IL5: variants seen among roughly 807,000 people sequenced by gnomAD.
The protein encoded by IL5 is interleukin-5.
Under a neutral mutation model 16.3 loss-of-function variants are expected in IL5, and 12 were observed. The ratio of observed to expected loss-of-function variants is 0.74; its 90% CI spans 0.47 to 1.20. IL5 has a LOEUF of 1.20. Among genes scored for constraint, IL5 ranks in the 50% most tolerant of loss-of-function variants. The pLI is 0.00. For synonymous variants in IL5, 54 were observed against 56.6 expected (o/e 0.95, Z 0.21); for missense variants, 159 against 153.9 (o/e 1.03, Z -0.17).
chr5:132,543,431 G>C lies in IL5; in HGVS notation c.48C>G (p.Tyr16Ter). The change falls in exon 1 of 4, where the codon TAC (tyrosine) becomes TAG (stop). Residue 16 changes from tyrosine to a stop codon, truncating the protein, a stop_gained. Transcript: ENST00000231454. LOFTEE classifies it high-confidence loss of function. ...HLSLLALGAA[Y>*]VYAIPTEIPT... ...GAATTTCTGTGGGGATGGCATACAC[G>C]TAGGCAGCTCCAAGAGCTAGCAAAC... 6.2e-7 allele frequency: 1 copy of C among 1,613,982 alleles called. No individual in the cohort carries two copies. The highest frequency in any genetic ancestry group is 8.5e-7 in the Non-Finnish European group (1 of 1,179,850).
chr5:132,550,325 CT>C (rs539567798), intron 1 of IL5, among the ~76,000 whole-genome samples: 1,977 of 138,098 alleles, frequency 0.014, 21 homozygotes, highest in East Asian at 0.085. Context: ...AAAAAGAAAT[CT>C]TTTTTTTTTT....
chr5:132,549,624 GTGGGTAACAT>G (rs1749851280), intron 1 of IL5, among the ~76,000 whole-genome samples: 1 of 152,044 alleles, frequency 6.6e-6, no homozygotes, highest in Non-Finnish European at 1.5e-5. Flanking sequence ...AGTTACATTG[GTGGGTAACAT>G]CCATCCTTTT....
upstream of IL5, among the ~76,000 whole-genome samples, chr5:132,548,383 T>C (rs185491641): frequency 9.2e-4 from 140 of 152,276 alleles, no homozygotes; most frequent in African/African-American, 2.9e-3. Flanking sequence ...GACAGTAAAA[T>C]AAAGATTTGT....
At chr5:132,550,417 G>A (rs1042537908) in intron 1 of IL5, among the ~76,000 whole-genome samples, 15 of 151,142 alleles carry the variant, frequency 9.9e-5, no homozygotes, top group Non-Finnish European at 2.1e-4. Flanking sequence ...TCCGCCTCCT[G>A]GGTTCAAGCG....
At chr5:132,547,413 A>G (rs555595157), upstream of IL5, among the ~76,000 whole-genome samples, 5 of 152,288 alleles carry the variant, frequency 3.3e-5, no homozygotes, top group African/African-American at 1.2e-4. Flanking sequence ...CAAACACTAC[A>G]CATACCCAAA....
In IL5 at chr5:132,542,105, GC is replaced by G; in HGVS notation, c.215del (p.Gly72AlafsTer22). ...LCTEEIFQGI[G>X]TLESQTVQGG... ...CTTGCACAGTTTGACTCTCCAGTGT[GC>G]CTATTCCCTGAAAGATTTCTTCAGT... is the stretch of plus-strand genomic sequence containing the variant. On this transcript the variant is annotated frameshift_variant, in exon 3 of 4. Transcript: ENST00000231454. LOFTEE classifies it high-confidence loss of function. 2 of 1,612,884 alleles carry G rather than the reference GC, an allele frequency of 1.2e-6. No individual in the cohort carries two copies. Among genetic ancestry groups the G allele is most frequent in the Non-Finnish European group, 1.7e-6 (2 of 1,179,198 alleles).
intron 2 of IL5, 91 bp from the exon 3 acceptor site, chr5:132,542,234 A>G (rs571537197): frequency 6.8e-6 from 5 of 735,528 alleles, no homozygotes; most frequent in Admixed American, 2.6e-5. Context: ...ACATACTTCA[A>G]AACATCATAT....
chr5:132,548,039 A>T (rs1344310018), upstream of IL5, among the ~76,000 whole-genome samples: 4 of 152,224 alleles, frequency 2.6e-5, no homozygotes. Context: ...ACTGCACTCT[A>T]GCCTGGGTGA....
At chr5:132,553,998 C>G (rs1561624961) in intron 1 of IL5, among the ~76,000 whole-genome samples, 1 of 144,202 alleles carries the variant, frequency 6.9e-6, no homozygotes, top group Non-Finnish European at 1.5e-5. Context: ...TTATATTTGC[C>G]AAAACACATG....
intron 1 of IL5, among the ~76,000 whole-genome samples, chr5:132,548,822 A>G (rs1224977333): frequency 6.6e-6 from 1 of 152,232 alleles, no homozygotes; most frequent in African/African-American, 2.4e-5. Context: ...TCTTTCTTAA[A>G]TGTACATATA....
At chr5:132,556,623 G>C in intron 1 of IL5, 1 of 1,121,538 alleles carries the variant, frequency 8.9e-7, no homozygotes, top group Non-Finnish European at 1.1e-6. Flanking sequence ...CTACACGAAC[G>C]TTAGAGAGAG....
chr5:132,548,164 G>A (rs1260734143), upstream of IL5, among the ~76,000 whole-genome samples: 1 of 152,030 alleles, frequency 6.6e-6, no homozygotes, highest in Non-Finnish European at 1.5e-5. Flanking sequence ...AGGAGGCTGA[G>A]GCCAGAGGAT....
intron 1 of IL5, among the ~76,000 whole-genome samples, chr5:132,553,938 TAAAAAAAAAAAA>T (rs57467548): frequency 2.3e-5 from 2 of 87,304 alleles, no homozygotes; most frequent in Admixed American, 1.3e-4. Flanking sequence ...GACTCCGTCT[TAAAAAAAAAAAA>T]AAAAAAAAAA....
At chr5:132,552,985 C>G (rs1749908845) in intron 1 of IL5, among the ~76,000 whole-genome samples, 1 of 152,110 alleles carries the variant, frequency 6.6e-6, no homozygotes, top group Non-Finnish European at 1.5e-5. Context: ...CCGCCTGCCT[C>G]AGAGAATTTT....
intron 1 of IL5, among the ~76,000 whole-genome samples, chr5:132,553,375 C>T (rs1031948750): frequency 1.3e-5 from 2 of 152,150 alleles, no homozygotes; most frequent in African/African-American, 4.8e-5. Flanking sequence ...AGCAAAACTG[C>T]ATAAGAGATA....
intron 1 of IL5, among the ~76,000 whole-genome samples, chr5:132,551,338 T>A (rs1561623914): frequency 6.6e-6 from 1 of 152,260 alleles, no homozygotes; most frequent in African/African-American, 2.4e-5. Flanking sequence ...GAAGTTTGGA[T>A]GCAAAGATAC....
At position 132,541,506 on chromosome 5, in the gene IL5, C is replaced by A; in HGVS notation, c.*305G>T. On this transcript the variant is annotated 3_prime_UTR_variant, in exon 4 of 4. Coordinates refer to ENST00000231454, the MANE Select transcript of IL5 (RefSeq NM_000879.3). ...TAACATTAAATAAATACTAATTTAC[C>A]AAATTCTTAACCATTTCATAAATAC... 7.6e-6 allele frequency: 2 copies of A among 262,532 alleles called. No individual in the cohort carries two copies. The highest frequency in any genetic ancestry group is 1.4e-5 in the Non-Finnish European group (2 of 139,148). 16.3% of individuals were successfully genotyped at this position (262,532 alleles called of 1,614,324 possible). A position where few individuals can be genotyped will look rare whatever the true frequency, so the allele number is the denominator to read the frequency against.
upstream of IL5, among the ~76,000 whole-genome samples, chr5:132,547,801 G>A (rs1000776235): frequency 1.3e-5 from 2 of 152,210 alleles, no homozygotes; most frequent in African/African-American, 4.8e-5. Context: ...GAGGCATGAT[G>A]GGTCAGGTCT....
chr5:132,555,435 G>A (rs1349970564), intron 1 of IL5, among the ~76,000 whole-genome samples: 3 of 152,256 alleles, frequency 2.0e-5, no homozygotes, highest in Non-Finnish European at 4.4e-5. Context: ...GTTTTGCAAA[G>A]TGAAAAGATT....
Sources: allele counts gnomAD v4.1 joint callset (sites outside exome capture counted in the v4.1 genomes callset), GRCh38; gene constraint gnomAD v4.1.1; transcripts MANE v1.5; gene names NCBI Gene and HGNC (gene_info 2026-07-23, HGNC 2026-07-21).